Variants in TMTC3 observed in about 807,000 individuals in gnomAD.
The protein encoded by TMTC3 is protein O-mannosyl-transferase TMTC3.
Under a neutral mutation model 92.2 loss-of-function variants are expected in TMTC3, and 52 were observed. The observed-to-expected ratio is 0.56, with a 90% CI of 0.45 to 0.71. The LOEUF (loss-of-function observed/expected upper bound fraction) is 0.71. Ranked by LOEUF, TMTC3 falls within the 30% of genes least tolerant of loss-of-function variation. The pLI is 0.00. For synonymous variants in TMTC3, 339 were observed against 363.3 expected, an observed-to-expected ratio of 0.93 and a Z score of 0.76; for missense variants, 896 against 1,057.1, an observed-to-expected ratio of 0.85 and a Z score of 2.11.
chr12:88,197,977 T>TTTTA lies in TMTC3; in HGVS notation c.*2332_*2335dup, dbSNP rs907932753. The TTTTA allele has an allele frequency of 5.4e-6, 1 of 184,678 alleles. No individual in the cohort carries two copies. Among genetic ancestry groups the TTTTA allele is most frequent in the African/African-American group, 2.3e-5 (1 of 42,898 alleles). 11.4% of individuals were successfully genotyped at this position (184,678 alleles called of 1,614,324 possible). A position where few individuals can be genotyped will look rare whatever the true frequency, so the allele number is the denominator to read the frequency against. On this transcript the variant is annotated 3_prime_UTR_variant, in exon 14 of 14. Coordinates refer to ENST00000266712, the MANE Select transcript of TMTC3 (RefSeq NM_181783.4). Reference sequence around the variant, plus strand: ...GCTCTAAATTAGTGCAGGAAAATGCTTTTATTTCTCCCATGTTAACTTTTA... The same window carrying TTTTA: ...GCTCTAAATTAGTGCAGGAAAATGCTTTTATTTATTTCTCCCATGTTAACTTTTA...
chr12:88,191,823 C>G (rs1173370946), intron 12 of TMTC3, among the ~76,000 whole-genome samples: 3 of 151,916 alleles, frequency 2.0e-5, no homozygotes, highest in Non-Finnish European at 4.4e-5. Context: ...AATTCTTGTT[C>G]CTCAGCCTCA....
At chr12:88,179,445 T>C (rs944602107) in intron 10 of TMTC3, among the ~76,000 whole-genome samples, 1 of 152,216 alleles carries the variant, frequency 6.6e-6, no homozygotes, top group Non-Finnish European at 1.5e-5. Context: ...TCCATTCTTT[T>C]GTATGGGTTA....
Position 88,160,845 on chromosome 12 carries a change from T to C in TMTC3, c.791T>C (p.Phe264Ser). The change falls in exon 6 of 14, where the codon TTC becomes TCC. Residue 264 changes from phenylalanine to serine, a missense_variant. Transcript: ENST00000266712. ...VQVIQSQLPV[F>S]TRFDNPAAVS... ...GTTATTCAATCCCAACTTCCAGTAT[T>C]CACCAGGTATGAAATTCTGGTTCTT... The C allele has an allele frequency of 6.3e-7, 1 of 1,591,414 alleles. No homozygotes were observed. Among genetic ancestry groups the C allele is most frequent in the Non-Finnish European group, 8.5e-7 (1 of 1,169,616 alleles).
chr12:88,190,706 G>GAAAAAAAAA, intron 12 of TMTC3, 84 bp downstream of exon 12: 1 of 1,405,540 alleles, frequency 7.1e-7, no homozygotes, highest in Admixed American at 2.2e-5. Context: ...GGTTTTTTTT[G>GAAAAAAAAA]AAAAAAAATT....
intron 13 of TMTC3, among the ~76,000 whole-genome samples, chr12:88,193,809 T>C (rs965770574): frequency 3.3e-5 from 5 of 152,224 alleles, no homozygotes; most frequent in African/African-American, 1.2e-4. Flanking sequence ...TTTTCTACCT[T>C]GATAATCATG....
In TMTC3 at chr12:88,176,337, A is replaced by G. The variant is rs1392700059; in HGVS notation, c.1432+18A>G. On this transcript the variant is annotated intron_variant, in intron 10 of 13. Coordinates refer to ENST00000266712, the MANE Select transcript of TMTC3 (RefSeq NM_181783.4). ...TCAGCCAGGTAAGCATTATTAACTA[A>G]TAAAATCATGAATTTTATTTTTTAA... 1 of 1,527,584 alleles carries G rather than the reference A, an allele frequency of 6.5e-7. No homozygotes were observed. The highest frequency in any genetic ancestry group is 1.2e-5 in the South Asian group (1 of 83,512). The allele number at this position is 1,527,584 out of a possible 1,614,324, so 94.6% of individuals were successfully genotyped here.
At chr12:88,174,781 C>A (rs1163725559) in intron 9 of TMTC3, 54 bp downstream of exon 9, 2 of 1,603,068 alleles carry the variant, frequency 1.2e-6, no homozygotes, top group East Asian at 2.2e-5. Context: ...TTTCTTGGAA[C>A]AATTTCTAAG....
rs377274143 is a variant in TMTC3 at position 88,192,489 on chromosome 12, C to T, written c.1707-115C>T. 2,138 of 642,436 alleles carry T rather than the reference C, an allele frequency of 3.3e-3. 7 individuals are homozygous for T. The highest frequency in any genetic ancestry group is 3.8e-3 in the Non-Finnish European group (1,424 of 377,824). The allele number at this position is 642,436 out of a possible 1,614,324, so 39.8% of individuals were successfully genotyped here. On this transcript the variant is annotated intron_variant, in intron 12 of 13. Coordinates refer to ENST00000266712, the MANE Select transcript of TMTC3 (RefSeq NM_181783.4). The stretch of plus-strand genomic sequence containing the variant: ...TTTCGAAAGAGAGTTTTTTAAGAGT[C>T]TGAGTTAAGAGAAAAAAAAGCTGTA...
chr12:88,184,799 C>A (rs538460305), intron 10 of TMTC3, among the ~76,000 whole-genome samples: 4 of 151,800 alleles, frequency 2.6e-5, no homozygotes, highest in South Asian at 2.1e-4. Context: ...TACACACACA[C>A]AAAATATATA....
At chr12:88,169,689 A>G (rs1457776753) in intron 7 of TMTC3, among the ~76,000 whole-genome samples, 1 of 152,160 alleles carries the variant, frequency 6.6e-6, no homozygotes, top group Non-Finnish European at 1.5e-5. Flanking sequence ...CTGTAATCCC[A>G]GTGCCTTGGG....
At chr12:88,160,531 G>GT in intron 5 of TMTC3, 148 bp from the exon 6 acceptor site, 1 of 773,990 alleles carries the variant, frequency 1.3e-6, no homozygotes, top group East Asian at 2.7e-5. Context: ...GTTGAGCTCA[G>GT]TTTTATTCAT....
chr12:88,183,007 A>G (rs967107235), intron 10 of TMTC3, among the ~76,000 whole-genome samples: 2 of 152,202 alleles, frequency 1.3e-5, no homozygotes, highest in African/African-American at 2.4e-5. Context: ...ATTAGCACTG[A>G]TAGCCCGTAA....
intron 9 of TMTC3, 100 bp downstream of exon 9, chr12:88,174,827 G>T: frequency 7.1e-7 from 1 of 1,412,832 alleles, no homozygotes; most frequent in Non-Finnish European, 9.8e-7. Flanking sequence ...ACATTTAACA[G>T]TCAATATTAA....
Position 88,195,876 on chromosome 12 carries a change from C to A in TMTC3, c.*227C>A. ...GGTGAATATAGCAGAAATATTACAG[C>A]GGAAGTGACAAATTTACAACTTTTA... On this transcript the variant is annotated 3_prime_UTR_variant, in exon 14 of 14. Coordinates refer to ENST00000266712, the MANE Select transcript of TMTC3 (RefSeq NM_181783.4). The A allele has an allele frequency of 3.0e-6, 1 of 333,816 alleles. No homozygotes were observed. Among genetic ancestry groups the A allele is most frequent in the Non-Finnish European group, 5.4e-6 (1 of 185,326 alleles). The allele number at this position is 333,816 out of a possible 1,614,324, so 20.7% of individuals were successfully genotyped here.
intron 1 of TMTC3, among the ~76,000 whole-genome samples, chr12:88,146,883 C>T (rs947258105): frequency 6.7e-6 from 1 of 149,836 alleles, no homozygotes; most frequent in African/African-American, 2.4e-5. Flanking sequence ...ACTACATAGT[C>T]AGTAGTTTAA....
At chr12:88,142,685 C>T (rs2040757616) in intron 1 of TMTC3, among the ~76,000 whole-genome samples, 198 bp downstream of exon 1, 1 of 152,194 alleles carries the variant, frequency 6.6e-6, no homozygotes, top group South Asian at 2.1e-4. Flanking sequence ...AAGTTTTAGC[C>T]TTGTTTAGTA....
Position 88,195,003 on chromosome 12 carries a change from A to G in TMTC3, c.2099A>G (p.Asp700Gly), listed in dbSNP as rs749133863. ...WMKKAIKLQA[D>G]FRSALFNLAL... is the part of the protein sequence containing the mutation. ...AAGAAAGCCATAAAGTTACAAGCCG[A>G]CTTCCGAAGTGCTTTGTTTAATCTG... Residue 700 changes from aspartate (D) to glycine (G), a missense_variant, in exon 14 of 14, where the codon GAC becomes GGC. Transcript: ENST00000266712. The G allele has an allele frequency of 4.3e-6, 7 of 1,613,878 alleles. No individual in the cohort carries two copies. Among genetic ancestry groups the G allele is most frequent in the Non-Finnish European group, 5.9e-6 (7 of 1,179,910 alleles).
At chr12:88,187,961 C>G (rs2138435344) in intron 10 of TMTC3, among the ~76,000 whole-genome samples, 2 of 152,294 alleles carry the variant, frequency 1.3e-5, no homozygotes, top group East Asian at 3.9e-4. Flanking sequence ...GAATCCTCAT[C>G]TCTTTCCTAT....
intron 1 of TMTC3, among the ~76,000 whole-genome samples, chr12:88,144,078 G>T (rs1453359431): frequency 6.6e-6 from 1 of 152,146 alleles, no homozygotes; most frequent in South Asian, 2.1e-4. Context: ...CACCTTTCTC[G>T]CCATCTTGGA....
Sources: gnomAD v4.1 joint callset for allele counts (sites outside exome capture counted in the v4.1 genomes callset) on GRCh38, gnomAD v4.1.1 for gene constraint, MANE v1.5 for transcripts, NCBI Gene and HGNC (gene_info 2026-07-23, HGNC 2026-07-21) for gene names.